GFRA1: variants seen among roughly 807,000 people sequenced by gnomAD.
GFRA1 encodes the protein GDNF family receptor alpha 1, also known as GDNF family receptor alpha-1.
A neutral mutation model predicts 51.6 loss-of-function variants in GFRA1; 16 were observed. The ratio of observed to expected loss-of-function variants is 0.31; its 90% confidence interval spans 0.21 to 0.47. GFRA1 has a LOEUF of 0.47. Among genes scored for constraint, GFRA1 ranks in the 20% least tolerant of loss-of-function variants. The pLI, the probability that GFRA1 is intolerant of heterozygous loss-of-function variation, is 1.00. For synonymous variants in GFRA1, 270 were observed against 241.3 expected (o/e 1.12, Z -1.10); for missense variants, 530 against 594.3 (o/e 0.89, Z 1.13).
At chr10:116,183,427 A>G (rs1962418163) in intron 5 of GFRA1, among the ~76,000 whole-genome samples, 2 of 152,188 alleles carry the variant, frequency 1.3e-5, no homozygotes, top group South Asian at 2.1e-4. Flanking sequence ...TCCATGGGGA[A>G]TCTCAGGCTC....
At chr10:116,167,037 G>T (rs1489083294) in intron 5 of GFRA1, among the ~76,000 whole-genome samples, 1 of 151,806 alleles carries the variant, frequency 6.6e-6, no homozygotes, top group African/African-American at 2.4e-5. Context: ...CTGACCTCCT[G>T]ATCCGCCCGT....
chr10:116,099,273 C>A (rs1332174965), intron 6 of GFRA1, among the ~76,000 whole-genome samples: 1 of 152,146 alleles, frequency 6.6e-6, no homozygotes, highest in African/African-American at 2.4e-5. Context: ...GGGATTTACA[C>A]CACGGTAACC....
chr10:116,063,009 C>T lies in GFRA1; in HGVS notation c.*1389G>A, dbSNP rs1236172595. On this transcript the variant is annotated 3_prime_UTR_variant, in exon 11 of 11. Transcript: ENST00000355422. ...ACATGAAACAAGATGCAAGCAGATCCTTAATGACCTTCAGACCAAACTGCT... is the reference window on the plus strand; with the variant it reads ...ACATGAAACAAGATGCAAGCAGATCTTTAATGACCTTCAGACCAAACTGCT... 2 of 152,236 alleles carry T rather than the reference C, an allele frequency of 1.3e-5. No homozygotes were observed. Among genetic ancestry groups the T allele is most frequent in the African/African-American group, 4.8e-5 (2 of 41,454 alleles). 9.4% of individuals were successfully genotyped at this position (152,236 alleles called of 1,614,324 possible).
intron 4 of GFRA1, among the ~76,000 whole-genome samples, chr10:116,242,155 A>G (rs949854262): frequency 1.3e-5 from 2 of 152,200 alleles, no homozygotes; most frequent in African/African-American, 4.8e-5. Context: ...TCATCTCTCT[A>G]TTCTTGTTTA....
At chr10:116,227,164 TATAAAG>T (rs1966356361) in intron 4 of GFRA1, among the ~76,000 whole-genome samples, 1 of 152,182 alleles carries the variant, frequency 6.6e-6, no homozygotes, top group South Asian at 2.1e-4. Context: ...GCTGGAACTT[TATAAAG>T]AATCCACAGG....
chr10:116,100,309 C>T (rs1240995371), intron 6 of GFRA1, among the ~76,000 whole-genome samples: 2 of 152,202 alleles, frequency 1.3e-5, no homozygotes, highest in Non-Finnish European at 2.9e-5. Flanking sequence ...GGTGATACTT[C>T]CAATCAAGCC....
intron 5 of GFRA1, among the ~76,000 whole-genome samples, chr10:116,142,812 G>T (rs1434751876): frequency 6.6e-6 from 1 of 152,160 alleles, no homozygotes; most frequent in Non-Finnish European, 1.5e-5. Flanking sequence ...ACTCTATATA[G>T]ATCTGTTACT....
intron 4 of GFRA1, among the ~76,000 whole-genome samples, chr10:116,253,345 T>C (rs1968546221): frequency 6.6e-6 from 1 of 152,158 alleles, no homozygotes; most frequent in Non-Finnish European, 1.5e-5. Context: ...CGGTGGCTCA[T>C]GCCTGTAAAC....
At chr10:116,254,664 G>A (rs1809383617) in intron 4 of GFRA1, among the ~76,000 whole-genome samples, 1 of 152,182 alleles carries the variant, frequency 6.6e-6, no homozygotes, top group South Asian at 2.1e-4. Context: ...TTAAGTCAGA[G>A]GCATCCCAAA....
chr10:116,097,088 G>C (rs951286106), intron 6 of GFRA1, among the ~76,000 whole-genome samples: 2 of 151,956 alleles, frequency 1.3e-5, no homozygotes, highest in Admixed American at 6.6e-5. Context: ...ATTTATTTCT[G>C]ACTAGACTTA....
intron 9 of GFRA1, among the ~76,000 whole-genome samples, chr10:116,079,359 C>T (rs576726687): frequency 6.6e-6 from 1 of 152,258 alleles, no homozygotes; most frequent in African/African-American, 2.4e-5. Context: ...TTCCTTGTCC[C>T]TGCCTGCACT....
chr10:116,244,210 T>C (rs1967659864), intron 4 of GFRA1, among the ~76,000 whole-genome samples: 1 of 151,810 alleles, frequency 6.6e-6, no homozygotes, highest in Non-Finnish European at 1.5e-5. Context: ...ACAGATTTAT[T>C]ACAGATCAAT....
At chr10:116,210,834 A>G (rs1965137158) in intron 5 of GFRA1, among the ~76,000 whole-genome samples, 1 of 152,052 alleles carries the variant, frequency 6.6e-6, no homozygotes, top group Non-Finnish European at 1.5e-5. Flanking sequence ...TGTGCTACCA[A>G]CATATTTCCC....
intron 6 of GFRA1, among the ~76,000 whole-genome samples, chr10:116,112,912 G>A (rs1589798564): frequency 6.6e-6 from 1 of 152,218 alleles, no homozygotes; most frequent in African/African-American, 2.4e-5. Context: ...GCACACCCCA[G>A]ACTGTCTTGG....
intron 9 of GFRA1, among the ~76,000 whole-genome samples, chr10:116,083,892 T>C (rs996861752): frequency 2.6e-5 from 4 of 152,140 alleles, no homozygotes; most frequent in Middle Eastern, 3.4e-3. Context: ...AGGTCTGCCC[T>C]CCATCCCTCC....
At chr10:116,273,665 C>G (rs368337608), upstream of GFRA1, among the ~76,000 whole-genome samples, 8 of 57,210 alleles carry the variant, frequency 1.4e-4, no homozygotes, top group African/African-American at 3.3e-4. Context: ...CTCTCTCTCT[C>G]TCTCTGTCTC....
Position 116,064,304 on chromosome 10 carries a change from TC to T in GFRA1, c.*93del, listed in dbSNP as rs1954988097. ...GAATGGAACTGTTTCTCAACTGAGC[TC>T]CTAAACTGGAATTTCAGCTATACAA... On this transcript the variant is annotated 3_prime_UTR_variant, in exon 11 of 11. Coordinates refer to ENST00000355422, the MANE Select transcript of GFRA1 (RefSeq NM_005264.8). 2.8e-6 allele frequency: 3 copies of T among 1,076,942 alleles called. No homozygotes were observed. In the Admixed American group the frequency reaches 5.8e-5, roughly 21 times the overall value. The allele number at this position is 1,076,942 out of a possible 1,614,324, so 66.7% of individuals were successfully genotyped here.
At chr10:116,163,430 G>A (rs1288848674) in intron 5 of GFRA1, among the ~76,000 whole-genome samples, 1 of 152,220 alleles carries the variant, frequency 6.6e-6, no homozygotes, top group East Asian at 1.9e-4. Flanking sequence ...TTTATTCACA[G>A]ACTCAGATTT....
intron 4 of GFRA1, among the ~76,000 whole-genome samples, chr10:116,219,893 T>C (rs1965807733): frequency 6.6e-6 from 1 of 152,218 alleles, no homozygotes; most frequent in Non-Finnish European, 1.5e-5. Context: ...TCTAAACATC[T>C]GGATTCTAGT....
Sources: allele counts gnomAD v4.1 joint callset (sites outside exome capture counted in the v4.1 genomes callset), GRCh38; gene constraint gnomAD v4.1.1; transcripts MANE v1.5; gene names NCBI Gene and HGNC (gene_info 2026-07-23, HGNC 2026-07-21).